The following GRK4 variants were observed in gnomAD, a reference collection of about 807,000 sequenced individuals.
GRK4 encodes G protein-coupled receptor kinase 2-like.
Under a neutral mutation model 77.9 loss-of-function variants are expected in GRK4, and 73 were observed. The observed-to-expected ratio is 0.94, with a 90% confidence interval of 0.78 to 1.14. The LOEUF (loss-of-function observed/expected upper bound fraction) is 1.14, where lower values mean the gene tolerates loss of function less well. Ranked by LOEUF, GRK4 falls within the 50% of genes most tolerant of loss-of-function variation. GRK4 has a pLI of 0.00. For synonymous variants in GRK4, 257 were observed against 254.4 expected (o/e 1.01, Z -0.10); for missense variants, 729 against 700.2 (o/e 1.04, Z -0.46).
At chr4:3,017,026 G>A (rs1560465339) in intron 8 of GRK4, among the ~76,000 whole-genome samples, 1 of 152,212 alleles carries the variant, frequency 6.6e-6, no homozygotes, top group Admixed American at 6.5e-5. Context: ...GCCTCTCCCT[G>A]GAGCCCTCTG....
At chr4:2,997,758 A>G (rs901826846) in intron 4 of GRK4, among the ~76,000 whole-genome samples, 5 of 151,856 alleles carry the variant, frequency 3.3e-5, no homozygotes, top group African/African-American at 9.7e-5. Context: ...AAATACAAAT[A>G]TTAGCCGGCC....
chr4:3,002,728 A>G (rs1730200437), intron 4 of GRK4, among the ~76,000 whole-genome samples: 1 of 152,086 alleles, frequency 6.6e-6, no homozygotes, highest in Non-Finnish European at 1.5e-5. Flanking sequence ...GTGTGGTGGC[A>G]TGCGCCCATA....
At position 3,040,596 on chromosome 4, in the gene GRK4, G is replaced by A; in HGVS notation, c.1708G>A (p.Glu570Lys). ...GGGCTGCCTGACCATGGTCCCCAGT[G>A]AGAAGGAAGTGGAACCCAAGCAATG... ...RGGCLTMVPS[E>K]KEVEPKQC Residue 570 changes from glutamate (E) to lysine (K), a missense_variant, in exon 16 of 16, where the codon GAG (glutamate) becomes AAG (lysine). Glu to Lys is a moderately conservative substitution (Grantham distance 56, BLOSUM62 1). Coordinates refer to ENST00000398052, the MANE Select transcript of GRK4 (RefSeq NM_182982.3). 1 of 1,611,356 alleles carries A rather than the reference G, an allele frequency of 6.2e-7. No homozygotes were observed. Among genetic ancestry groups the A allele is most frequent in the Non-Finnish European group, 8.5e-7 (1 of 1,179,010 alleles).
At chr4:3,008,150 A>G (rs1731862448) in intron 6 of GRK4, among the ~76,000 whole-genome samples, 1 of 152,280 alleles carries the variant, frequency 6.6e-6, no homozygotes, top group African/African-American at 2.4e-5. Context: ...ATTTTTATAC[A>G]GAAATTTTCA....
Position 2,963,969 on chromosome 4 carries a change from G to A in GRK4, c.-102G>A, listed in dbSNP as rs761916337. On this transcript the variant is annotated 5_prime_UTR_variant, in exon 1 of 16. The change creates a new upstream start codon in the 5' untranslated region. Transcript: ENST00000398052. ...GTGTCCGGAGCTCGAGGAGAGGGTG[G>A]TGCCCGGCGAGCTATGCACGGGGGC... The A allele has an allele frequency of 2.8e-6, 3 of 1,059,410 alleles. No individual in the cohort carries two copies. The highest frequency in any genetic ancestry group is 2.5e-5 in the East Asian group (1 of 39,984). The allele number at this position is 1,059,410 out of a possible 1,614,324, so 65.6% of individuals were successfully genotyped here. A position where few individuals can be genotyped will look rare whatever the true frequency, so the allele number is the denominator to read the frequency against.
intron 7 of GRK4, among the ~76,000 whole-genome samples, chr4:3,012,298 T>C (rs1733128353): frequency 1.3e-5 from 2 of 152,218 alleles, no homozygotes; most frequent in Non-Finnish European, 1.5e-5. Flanking sequence ...TAAGATTTTT[T>C]AAAAGGAGGT....
chr4:3,013,453 C>A (rs1370938755), intron 7 of GRK4, among the ~76,000 whole-genome samples: 1 of 152,164 alleles, frequency 6.6e-6, no homozygotes, highest in African/African-American at 2.4e-5. Flanking sequence ...TTACCGTGAT[C>A]ACCTATGCCA....
intron 10 of GRK4, among the ~76,000 whole-genome samples, chr4:3,023,550 C>A (rs181804844): frequency 8.5e-5 from 13 of 152,284 alleles, no homozygotes; most frequent in Non-Finnish European, 1.6e-4. Context: ...ATGTATGACA[C>A]CCTGCCCTGT....
At chr4:2,973,392 G>A (rs894207031) in intron 1 of GRK4, among the ~76,000 whole-genome samples, 2 of 152,110 alleles carry the variant, frequency 1.3e-5, no homozygotes, top group African/African-American at 4.8e-5. Flanking sequence ...AGAAGCTCCT[G>A]TCACCAGTTC....
chr4:2,993,783 A>T (rs1028623774), intron 4 of GRK4, among the ~76,000 whole-genome samples: 4 of 152,234 alleles, frequency 2.6e-5, no homozygotes, highest in African/African-American at 9.6e-5. Flanking sequence ...GTCTATTTTC[A>T]TATGATAAGA....
chr4:2,990,104 G>C (rs780210796), intron 3 of GRK4, among the ~76,000 whole-genome samples: 1 of 152,022 alleles, frequency 6.6e-6, no homozygotes, highest in Non-Finnish European at 1.5e-5. Context: ...ACTTTAAAAT[G>C]TATATATATT....
rs77123843 is a variant in GRK4 at position 3,021,864 on chromosome 4, C to T, written c.933-550C>T. On this transcript the variant is annotated intron_variant, in intron 9 of 15. Coordinates refer to ENST00000398052, the MANE Select transcript of GRK4 (RefSeq NM_182982.3). ...ACCTCCGGTACCCACTTGCCTCACC[C>T]GCCTGCACTCAGTGGGGGCTGCACC... is the stretch of plus-strand genomic sequence containing the variant. Among the ~76,000 whole-genome samples the T allele has an allele frequency of 4.9e-4, 75 of 152,346 alleles. 2 individuals carry two copies. The East Asian group carries it at 0.011, about 22-fold the overall frequency.
intron 10 of GRK4, 43 bp from the exon 11 acceptor site, chr4:3,027,869 T>C: frequency 6.5e-7 from 1 of 1,537,952 alleles, no homozygotes; most frequent in Non-Finnish European, 9.0e-7. Context: ...ACGGTGTCAT[T>C]ACTTCCCCCG....
chr4:2,966,831 A>G (rs1242622426), intron 1 of GRK4: 1 of 152,216 alleles, frequency 6.6e-6, no homozygotes, highest in Non-Finnish European at 1.5e-5. Context: ...TTGATTTAAT[A>G]TTATTAGTGA....
chr4:3,022,594 A>C, intron 10 of GRK4, 143 bp downstream of exon 10: 1 of 726,448 alleles, frequency 1.4e-6, no homozygotes, highest in Non-Finnish European at 2.3e-6. Context: ...GTATGTGTTC[A>C]TTTTAAAAAG....
chr4:3,003,229 G>A (rs12512648), intron 4 of GRK4, among the ~76,000 whole-genome samples: 12,089 of 152,126 alleles, frequency 0.079, 582 homozygotes, highest in African/African-American at 0.13. Context: ...TCGCTCTGTC[G>A]TCCAGGCTGG....
chr4:3,012,344 T>C (rs1270482105), intron 7 of GRK4, among the ~76,000 whole-genome samples: 1 of 152,134 alleles, frequency 6.6e-6, no homozygotes, highest in African/African-American at 2.4e-5. Context: ...ACGAGACCAG[T>C]TTTGCCATGA....
chr4:2,999,146 A>C (rs1433603664), intron 4 of GRK4, among the ~76,000 whole-genome samples: 1 of 152,176 alleles, frequency 6.6e-6, no homozygotes, highest in East Asian at 1.9e-4. Flanking sequence ...TTTATTTCTT[A>C]CAGTTCTGAA....
chr4:3,019,898 C>T (rs1434598247), intron 9 of GRK4, 67 bp downstream of exon 9: 68 of 1,451,858 alleles, frequency 4.7e-5, no homozygotes, highest in African/African-American at 5.6e-5. Flanking sequence ...CCTAGGCTTC[C>T]CTGGTTCACA....
Sources: gnomAD v4.1 joint callset for allele counts (sites outside exome capture counted in the v4.1 genomes callset) on GRCh38, gnomAD v4.1.1 for gene constraint, MANE v1.5 for transcripts, NCBI Gene and HGNC (gene_info 2026-07-23, HGNC 2026-07-21) for gene names.